Variants in EPS15L1 observed in about 807,000 individuals in gnomAD.
EPS15L1 encodes epidermal growth factor receptor substrate 15-like 1.
Under a neutral mutation model 117.1 loss-of-function variants are expected in EPS15L1, and 43 were observed. The ratio of observed to expected loss-of-function variants is 0.37; its 90% CI spans 0.29 to 0.47. The LOEUF is 0.47. Ranked by LOEUF, EPS15L1 falls within the 20% of genes least tolerant of loss-of-function variation. The pLI, the probability that EPS15L1 is intolerant of heterozygous loss-of-function variation, is 0.99. For missense variants in EPS15L1, 981 were observed against 1,164.0 expected (o/e 0.84, Z 2.29); for synonymous variants, 459 against 470.5 (o/e 0.98, Z 0.32).
At chr19:16,418,573 G>A (rs1286880327) in intron 10 of EPS15L1, among the ~76,000 whole-genome samples, 2 of 152,146 alleles carry the variant, frequency 1.3e-5, no homozygotes, top group Non-Finnish European at 2.9e-5. Context: ...AGCACTTTGG[G>A]GTGTCATCAT....
chr19:16,428,284 G>A (rs868240880), intron 8 of EPS15L1, among the ~76,000 whole-genome samples: 4 of 151,974 alleles, frequency 2.6e-5, no homozygotes, highest in Admixed American at 6.6e-5. Context: ...AGGCCGAGGC[G>A]GGTGGATCAC....
intron 19 of EPS15L1, among the ~76,000 whole-genome samples, chr19:16,386,858 G>A (rs1435461432): frequency 6.6e-6 from 1 of 152,194 alleles, no homozygotes; most frequent in Non-Finnish European, 1.5e-5. Flanking sequence ...CAGTGTGAGT[G>A]GCACCAAGTT....
In EPS15L1 at chr19:16,381,032, C is replaced by A. The variant is rs139037371; in HGVS notation, c.2248-3778G>T. The stretch of plus-strand genomic sequence containing the variant: ...GCAGCCTACCCATTCCAGGTCCCCC[C>A]GATAAGGGCAGTGGCAGGTGCCCCC... On this transcript the variant is annotated intron_variant, in intron 21 of 23. Transcript: ENST00000455140. The surrounding 1 kb of genome is among the most constrained non-coding windows in gnomAD (Gnocchi z 4.2). Among the ~76,000 whole-genome samples, 2 of 152,342 alleles carry A rather than the reference C, an allele frequency of 1.3e-5. No homozygotes were observed. Among genetic ancestry groups the A allele is most frequent in the African/African-American group, 4.8e-5 (2 of 41,576 alleles).
At chr19:16,418,186 A>G (rs1188317898) in intron 10 of EPS15L1, 82 bp from the exon 11 acceptor site, 2 of 1,488,554 alleles carry the variant, frequency 1.3e-6, no homozygotes, top group Non-Finnish European at 1.8e-6. Flanking sequence ...CTTGCTTTTC[A>G]AAAACGACAG....
chr19:16,413,123 C>A, intron 13 of EPS15L1: 1 of 675,646 alleles, frequency 1.5e-6, no homozygotes, highest in Non-Finnish European at 2.7e-6. Context: ...GTATTAAGTG[C>A]TCCAAGGAGG....
chr19:16,412,835 G>GCCA, intron 13 of EPS15L1: 1 of 523,404 alleles, frequency 1.9e-6, no homozygotes, highest in Non-Finnish European at 3.6e-6. Flanking sequence ...CGGGACCAAG[G>GCCA]CCACGGAGCT....
At chr19:16,442,014 T>C (rs1481977871) in intron 2 of EPS15L1, 33 bp from the exon 3 acceptor site, 1 of 1,584,300 alleles carries the variant, frequency 6.3e-7, no homozygotes, top group East Asian at 2.2e-5. Flanking sequence ...AAAATAACTT[T>C]TCAGCAAATG....
chr19:16,362,889 G>A (rs1484138554), intron 22 of EPS15L1, among the ~76,000 whole-genome samples: 1 of 152,078 alleles, frequency 6.6e-6, no homozygotes, highest in African/African-American at 2.4e-5. Context: ...GGCCTTTCTG[G>A]GCTTCTGCCA....
chr19:16,402,580 C>CTT lies in EPS15L1; in HGVS notation c.1627-96_1627-95insAA, dbSNP rs2092613829. The CTT allele has an allele frequency of 3.4e-6, 4 of 1,191,404 alleles. No individual in the cohort carries two copies. The South Asian group carries it at 4.6e-5, about 14-fold the overall frequency. The allele number at this position is 1,191,404 out of a possible 1,614,324, so 73.8% of individuals were successfully genotyped here. On this transcript the variant is annotated intron_variant, in intron 15 of 23. Transcript: ENST00000455140. The stretch of plus-strand genomic sequence containing the variant: ...TTTAAAACACAGGGTCTCACTCTGT[C>CTT]ACCCAGACTGGAATGTAGTGGAGTG...
intron 1 of EPS15L1, among the ~76,000 whole-genome samples, chr19:16,467,323 T>C (rs993613563): frequency 6.6e-6 from 1 of 151,910 alleles, no homozygotes; most frequent in African/African-American, 2.4e-5. Context: ...TAATGTTTTG[T>C]ATTTTTAGTA....
At chr19:16,425,350 C>T (rs201203201) in intron 8 of EPS15L1, 34 bp from the exon 9 acceptor site, 12 of 1,460,090 alleles carry the variant, frequency 8.2e-6, no homozygotes, top group Non-Finnish European at 1.0e-5. Flanking sequence ...ACTGAAGGGG[C>T]AAGGCTGGGG....
At chr19:16,375,755 T>G (rs2092287562) in intron 22 of EPS15L1, among the ~76,000 whole-genome samples, 1 of 152,230 alleles carries the variant, frequency 6.6e-6, no homozygotes, top group Non-Finnish European at 1.5e-5. Flanking sequence ...CAGCCCATAC[T>G]TGGTCATACT....
intron 1 of EPS15L1, among the ~76,000 whole-genome samples, chr19:16,467,184 T>C (rs1271434179): frequency 6.6e-6 from 1 of 151,502 alleles, no homozygotes; most frequent in Non-Finnish European, 1.5e-5. Flanking sequence ...TGTCACTTTG[T>C]TGCCCAGGCT....
chr19:16,417,798 C>A, intron 11 of EPS15L1, 150 bp downstream of exon 11: 1 of 1,254,674 alleles, frequency 8.0e-7, no homozygotes. Flanking sequence ...CCTGGGCAGC[C>A]AAGCCACCCT....
chr19:16,448,297 G>A (rs76032778), intron 1 of EPS15L1, among the ~76,000 whole-genome samples: 13,836 of 151,434 alleles, frequency 0.091, 1,008 homozygotes, highest in East Asian at 0.27. Flanking sequence ...TTGGGAGGCC[G>A]AGGCAGGAGG....
chr19:16,400,764 C>A, intron 16 of EPS15L1: 3 of 985,320 alleles, frequency 3.0e-6, no homozygotes, highest in Non-Finnish European at 3.6e-6. Flanking sequence ...TTTGCCCTGC[C>A]CAAAAGATGA....
Position 16,436,996 on chromosome 19 carries a change from C to G in EPS15L1, c.313G>C (p.Asp105His). 1 of 1,613,832 alleles carries G rather than the reference C, an allele frequency of 6.2e-7. No homozygotes were observed. Among genetic ancestry groups the G allele is most frequent in the East Asian group, 2.2e-5 (1 of 44,880 alleles). The part of the protein sequence containing the change: ...NLSMPPPKFH[D>H]TSSPLMVTPP... The stretch of plus-strand genomic sequence containing the variant: ...GTGACCATCAGAGGGCTGCTGGTGT[C>G]GTGCTGAGAAGAGAGAGAAACATTC... Residue 105 changes from aspartate to histidine, a missense_variant, in exon 6 of 24, where the codon GAC becomes CAC. Coordinates refer to ENST00000455140, the MANE Select transcript of EPS15L1 (RefSeq NM_001258374.3).
intron 8 of EPS15L1, among the ~76,000 whole-genome samples, chr19:16,425,767 T>A (rs1232565113): frequency 2.0e-5 from 3 of 152,086 alleles, no homozygotes; most frequent in African/African-American, 7.2e-5. Flanking sequence ...ATCGCGCCAC[T>A]GCACTCCAGC....
At position 16,370,818 on chromosome 19, in the gene EPS15L1, C is replaced by T. The variant is rs1365828542; in HGVS notation, c.2380+6304G>A. 3.3e-5 allele frequency among the ~76,000 whole-genome samples: 5 copies of T among 152,184 alleles called. No individual in the cohort carries two copies. The highest frequency in any genetic ancestry group is 7.2e-5 in the African/African-American group (3 of 41,436). The stretch of plus-strand genomic sequence containing the variant: ...AGACAGACCTTCCAGAGGGCTCAGA[C>T]GGAAGCTCTGAAGCTTCCTTGAACA... On this transcript the variant is annotated intron_variant, in intron 22 of 23. Transcript: ENST00000455140. The surrounding 1 kb of genome is among the most constrained non-coding windows in gnomAD (Gnocchi z 5.2).
Sources: gnomAD v4.1 joint callset for allele counts (sites outside exome capture counted in the v4.1 genomes callset) on GRCh38, gnomAD v4.1.1 for gene constraint, Gnocchi (gnomAD v3.1) non-coding constraint, MANE v1.5 for transcripts, NCBI Gene and HGNC (gene_info 2026-07-23, HGNC 2026-07-21) for gene names.